KCTD3: variants seen among roughly 807,000 people sequenced by gnomAD.
KCTD3 encodes potassium channel tetramerization domain containing 3.
A neutral mutation model predicts 85.8 loss-of-function variants in KCTD3; 41 were observed. The observed-to-expected ratio is 0.48, with a 90% CI of 0.37 to 0.62. The LOEUF (loss-of-function observed/expected upper bound fraction) is 0.62, where lower values mean the gene tolerates loss of function less well. Among genes scored for constraint, KCTD3 ranks in the 20% least tolerant of loss-of-function variants. The probability of loss-of-function intolerance (pLI) is 0.00; values close to 1 mark genes in which losing one functional copy is unlikely to be tolerated. For missense variants in KCTD3, 724 were observed against 989.9 expected, an observed-to-expected ratio of 0.73 and a Z score of 3.60; for synonymous variants, 338 against 345.4, an observed-to-expected ratio of 0.98 and a Z score of 0.24.
rs771406569 is a variant in KCTD3 at position 215,577,953 on chromosome 1, T to G, written c.317-48T>G. 3.8e-6 allele frequency: 6 copies of G among 1,585,562 alleles called. No homozygotes were observed. The African/African-American group carries it at 4.1e-5, about 11-fold the overall frequency. The stretch of plus-strand genomic sequence containing the variant: ...GAGAAAATAAAAATGGAGTACTGTT[T>G]TTCTGTTTGCATGTACTCTTGACAA... On this transcript the variant is annotated intron_variant, in intron 5 of 17. Coordinates refer to ENST00000259154, the MANE Select transcript of KCTD3 (RefSeq NM_016121.5).
rs147195597 is a variant in KCTD3, at chr1:215,608,130, G to A, written c.1423G>A (p.Glu475Lys). ...LASFKILSLE[E>K]TESHGSYSSG... ...GTCATTCAAGATACTATCCCTGGAG[G>A]AGACAGAAAGTCATGGTAGCTATTC... The change falls in exon 14 of 18, where the codon GAG becomes AAG. Residue 475 changes from glutamate to lysine, a missense_variant. Glu to Lys is a moderately conservative substitution (Grantham distance 56). Around this residue, in one of 6 missense-constraint regions of KCTD3, gnomAD observed 136 missense variants for 197.6 expected, o/e 0.69. Coordinates refer to ENST00000259154, the MANE Select transcript of KCTD3 (RefSeq NM_016121.5). 241 of 1,611,520 alleles carry A rather than the reference G, an allele frequency of 1.5e-4. No homozygotes were observed. Among genetic ancestry groups the A allele is most frequent in the Non-Finnish European group, 1.7e-4 (202 of 1,178,676 alleles).
chr1:215,604,655 T>G (rs921544410), intron 13 of KCTD3, among the ~76,000 whole-genome samples: 72 of 150,660 alleles, frequency 4.8e-4, no homozygotes, highest in African/African-American at 1.6e-3. Flanking sequence ...TTAGGAGATG[T>G]GATTTTTTTT....
intron 12 of KCTD3, 42 bp from the exon 13 acceptor site, chr1:215,604,090 C>T (rs757827427): frequency 6.2e-6 from 9 of 1,456,138 alleles, no homozygotes; most frequent in East Asian, 4.7e-5. Context: ...TTTTTATTAT[C>T]GTTCCATAAT....
intron 3 of KCTD3, among the ~76,000 whole-genome samples, chr1:215,575,614 G>A (rs1659542320): frequency 6.6e-6 from 1 of 152,030 alleles, no homozygotes; most frequent in Non-Finnish European, 1.5e-5. Flanking sequence ...TTTACCAAAG[G>A]TATCAATACA....
chr1:215,620,115 C>T lies in KCTD3; in HGVS notation c.1945C>T (p.Pro649Ser), dbSNP rs747056267. Residue 649 changes from proline to serine, a missense_variant, in exon 18 of 18, where the codon CCT becomes TCT. Around this residue, in one of 6 missense-constraint regions of KCTD3, gnomAD observed 222 missense variants for 217.7 expected, o/e 1.02. Coordinates refer to ENST00000259154, the MANE Select transcript of KCTD3 (RefSeq NM_016121.5). ...HEAATYGSMR[P>S]YRESPLLARA... Reference sequence around the variant, plus strand: ...AGCAGCTACTTACGGTTCCATGAGGCCTTACAGAGAAAGTCCTTTATTAGC... The same window carrying T: ...AGCAGCTACTTACGGTTCCATGAGGTCTTACAGAGAAAGTCCTTTATTAGC... The T allele has an allele frequency of 1.2e-6, 2 of 1,613,220 alleles. No individual in the cohort carries two copies. The highest frequency in any genetic ancestry group is 2.2e-5 in the East Asian group (1 of 44,878).
At chr1:215,578,175 GTTTT>G (rs951095658) in intron 6 of KCTD3, 94 bp downstream of exon 6, 2 of 954,688 alleles carry the variant, frequency 2.1e-6, no homozygotes, top group Non-Finnish European at 3.2e-6. Context: ...TGATTATTGA[GTTTT>G]TTGTCTATAA....
chr1:215,620,593 C>T lies in KCTD3; in HGVS notation c.2423C>T (p.Ser808Phe), dbSNP rs148669072. 1.2e-6 allele frequency: 2 copies of T among 1,606,468 alleles called. No homozygotes were observed. The highest frequency in any genetic ancestry group is 1.7e-6 in the Non-Finnish European group (2 of 1,177,178). The stretch of plus-strand genomic sequence containing the variant: ...TCTCCTCGGCATAAAAAAAGTGATT[C>T]TTCAGGTCAGGAGTACAGCTTGTGA... ...TPSPRHKKSD[S>F]SGQEYSL is the part of the protein sequence containing the mutation. The change falls in exon 18 of 18, where the codon TCT becomes TTT. Residue 808 changes from serine (S) to phenylalanine (F), a missense_variant. By Grantham distance (155) the Ser-to-Phe change is radical. Transcript: ENST00000259154.
chr1:215,616,916 A>G (rs1655473622), intron 15 of KCTD3, among the ~76,000 whole-genome samples: 1 of 152,258 alleles, frequency 6.6e-6, no homozygotes, highest in Non-Finnish European at 1.5e-5. Context: ...GCAGGTCACC[A>G]GAAAGACCAA....
intron 4 of KCTD3, among the ~76,000 whole-genome samples, chr1:215,576,687 C>T (rs1265320689): frequency 1.3e-5 from 2 of 151,992 alleles, no homozygotes; most frequent in African/African-American, 4.8e-5. Context: ...CCTGCCTTAG[C>T]CTCCCAAGTA....
At position 215,620,417 on chromosome 1, in the gene KCTD3, T is replaced by C. The variant is rs773040338; in HGVS notation, c.2247T>C (p.Asn749=). ...KKRSSEDENE[N]KIEFRKKGGF... ...GGTCATCAGAAGATGAAAATGAAAA[T>C]AAAATAGAGTTTAGGAAGAAAGGAG... The change falls in exon 18 of 18, where the codon AAT becomes AAC. Residue 749 remains asparagine, a synonymous_variant. Transcript: ENST00000259154. 2 of 1,612,786 alleles carry C rather than the reference T, an allele frequency of 1.2e-6. No homozygotes were observed. The highest frequency in any genetic ancestry group is 1.7e-6 in the Non-Finnish European group (2 of 1,179,542).
chr1:215,579,031 C>T lies in KCTD3; in HGVS notation c.429C>T (p.Val143=). The T allele has an allele frequency of 6.4e-7, 1 of 1,569,000 alleles. No homozygotes were observed. The change falls in exon 7 of 18, where the codon GTC becomes GTT. Residue 143 remains valine, a synonymous_variant. Transcript: ENST00000259154. ...GIPSRKINNT[V]RSADSRNGLN... ...CTAGTCGTAAAATAAACAACACAGT[C>T]AGATCTGCTGATTCTAGGAATGGTC...
At chr1:215,608,282 T>A in intron 14 of KCTD3, 110 bp downstream of exon 14, 1 of 678,496 alleles carries the variant, frequency 1.5e-6, no homozygotes, top group Non-Finnish European at 2.3e-6. Flanking sequence ...TTTTCCATTT[T>A]AATTTTGAAA....
At chr1:215,572,788 A>G (rs891513082) in intron 1 of KCTD3, among the ~76,000 whole-genome samples, 3 of 152,216 alleles carry the variant, frequency 2.0e-5, no homozygotes, top group African/African-American at 7.2e-5. Context: ...TAGTGCCACT[A>G]TTCAGTCACC....
chr1:215,598,981 G>T (rs1382082430), intron 10 of KCTD3, among the ~76,000 whole-genome samples: 1 of 152,148 alleles, frequency 6.6e-6, no homozygotes, highest in Non-Finnish European at 1.5e-5. Context: ...ATGTTTAAAT[G>T]TGCTATAATA....
At chr1:215,570,701 C>A (rs1459794167) in intron 1 of KCTD3, among the ~76,000 whole-genome samples, 1 of 152,176 alleles carries the variant, frequency 6.6e-6, no homozygotes, top group African/African-American at 2.4e-5. Context: ...TCAGTACTTA[C>A]AGTGCAGAAT....
At chr1:215,581,135 A>T in intron 8 of KCTD3, 1 of 280,542 alleles carries the variant, frequency 3.6e-6, no homozygotes, top group South Asian at 3.0e-5. Context: ...AATCCCAGCT[A>T]CTCGGGAGGC....
chr1:215,587,480 A>T (rs1274072705), intron 9 of KCTD3, among the ~76,000 whole-genome samples: 1 of 152,192 alleles, frequency 6.6e-6, no homozygotes, highest in Admixed American at 6.5e-5. Flanking sequence ...ATTAAAATGG[A>T]AATTTTTATA....
At chr1:215,569,148 A>C (rs1259348409) in intron 1 of KCTD3, among the ~76,000 whole-genome samples, 4 of 142,210 alleles carry the variant, frequency 2.8e-5, no homozygotes, top group African/African-American at 1.1e-4. Context: ...TTTGAGACGG[A>C]GTCTTGCTCT....
chr1:215,618,934 A>G lies in KCTD3; in HGVS notation c.1611A>G (p.Thr537=). Residue 537 remains threonine, a synonymous_variant, in exon 16 of 18, where the codon ACA becomes ACG. Transcript: ENST00000259154. The part of the protein sequence containing the change: ...AVDCTTISSF[T]VRECEGSSRM... ...ACTGTACTACAATATCCTCATTTACAGTGAGGGAATGTGAGGGATCCAGTA... is the reference window on the plus strand; with the variant it reads ...ACTGTACTACAATATCCTCATTTACGGTGAGGGAATGTGAGGGATCCAGTA... 2.5e-6 allele frequency: 4 copies of G among 1,613,438 alleles called. No individual in the cohort carries two copies. Among genetic ancestry groups the G allele is most frequent in the Non-Finnish European group, 3.4e-6 (4 of 1,179,792 alleles).
Sources: allele counts gnomAD v4.1 joint callset (sites outside exome capture counted in the v4.1 genomes callset), GRCh38; gene constraint gnomAD v4.1.1; regional missense constraint gnomAD v4.1.1; transcripts MANE v1.5; gene names NCBI Gene and HGNC (gene_info 2026-07-23, HGNC 2026-07-21).